The following MAF variants were observed in gnomAD, a reference collection of about 807,000 sequenced individuals.
MAF encodes MAF bZIP transcription factor, also known as transcription factor Maf.
MAF carries 10 observed loss-of-function variants against 22.0 expected under a neutral mutation model. The ratio of observed to expected loss-of-function variants is 0.45; its 90% CI spans 0.28 to 0.77. The LOEUF (loss-of-function observed/expected upper bound fraction) is 0.77, where lower values mean the gene tolerates loss of function less well. Ranked by LOEUF, MAF falls within the 30% of genes least tolerant of loss-of-function variation. The pLI, the probability that MAF is intolerant of heterozygous loss-of-function variation, is 0.12. For missense variants in MAF, 544 were observed against 548.4 expected, an observed-to-expected ratio of 0.99 and a Z score of 0.08; for synonymous variants, 337 against 255.8, an observed-to-expected ratio of 1.32 and a Z score of -3.03.
At chr16:79,438,792 T>C in the MAF span, among the ~76,000 whole-genome samples, 1 of 151,886 alleles carries the variant, frequency 6.6e-6, no homozygotes, top group African/African-American at 2.4e-5. Context: ...TAGGAAGAAA[T>C]AAAAGGAAAG....
the MAF span, among the ~76,000 whole-genome samples, chr16:79,365,873 A>C: frequency 1.3e-5 from 2 of 152,226 alleles, no homozygotes; most frequent in African/African-American, 4.8e-5. Context: ...GTGTTTCCGG[A>C]AAACATGTGG....
At chr16:79,429,085 G>A in the MAF span, among the ~76,000 whole-genome samples, 2 of 152,170 alleles carry the variant, frequency 1.3e-5, no homozygotes, top group South Asian at 4.2e-4. Context: ...ATGCCGATTG[G>A]AGGTAATTAC....
At chr16:79,543,725 C>T in the MAF span, among the ~76,000 whole-genome samples, 6 of 141,308 alleles carry the variant, frequency 4.2e-5, no homozygotes, top group East Asian at 2.1e-4. Context: ...CTCGCTCTGT[C>T]GCCCAGGCTG....
the MAF span, among the ~76,000 whole-genome samples, chr16:79,479,233 C>A: frequency 6.6e-5 from 10 of 152,224 alleles, no homozygotes; most frequent in Non-Finnish European, 1.3e-4. Context: ...TGCACAACCC[C>A]AGCCTACCTG....
the MAF span, among the ~76,000 whole-genome samples, chr16:79,388,569 C>T: frequency 6.6e-6 from 1 of 152,200 alleles, no homozygotes; most frequent in Non-Finnish European, 1.5e-5. Flanking sequence ...TTATCAAAAG[C>T]AGTGCTCTCT....
At chr16:79,259,342 C>T in the MAF span, among the ~76,000 whole-genome samples, 1 of 152,218 alleles carries the variant, frequency 6.6e-6, no homozygotes, top group South Asian at 2.1e-4. Context: ...AGCCACCACT[C>T]TGCAGGATGG....
chr16:79,410,069 G>A, the MAF span, among the ~76,000 whole-genome samples: 1 of 152,196 alleles, frequency 6.6e-6, no homozygotes, highest in East Asian at 1.9e-4. Context: ...AACCACAGCA[G>A]AGTCTTGGCG....
At chr16:79,587,998 A>G (rs1390477292) in intron 1 of MAF, among the ~76,000 whole-genome samples, 1 of 152,110 alleles carries the variant, frequency 6.6e-6, no homozygotes, top group Non-Finnish European at 1.5e-5. Flanking sequence ...GAGGTCTCAC[A>G]TCGGGGTAAG....
chr16:79,558,365 T>A, the MAF span, among the ~76,000 whole-genome samples: 1 of 152,356 alleles, frequency 6.6e-6, no homozygotes, highest in South Asian at 2.1e-4. Flanking sequence ...ATCAACCCAC[T>A]GTCAAAGAAA....
chr16:79,455,931 T>C, the MAF span, among the ~76,000 whole-genome samples: 274 of 152,146 alleles, frequency 1.8e-3, 10 homozygotes, highest in South Asian at 0.051. Context: ...GACGGGAGAA[T>C]TGCTTGAACC....
the MAF span, among the ~76,000 whole-genome samples, chr16:79,565,450 T>C: frequency 4.6e-5 from 7 of 152,114 alleles, no homozygotes; most frequent in Non-Finnish European, 1.0e-4. Flanking sequence ...ATGGTTTCGC[T>C]GTGTCCCCAC....
the MAF span, among the ~76,000 whole-genome samples, chr16:79,452,372 A>G: frequency 1.3e-5 from 2 of 152,246 alleles, no homozygotes; most frequent in African/African-American, 2.4e-5. Context: ...AACTACATAT[A>G]TGCAATTTAA....
chr16:79,387,355 C>T, the MAF span, among the ~76,000 whole-genome samples: 27 of 152,040 alleles, frequency 1.8e-4, no homozygotes, highest in Non-Finnish European at 3.2e-4. Flanking sequence ...CTGTGTTTTT[C>T]ATATCTATTT....
At chr16:79,572,176 C>T in the MAF span, among the ~76,000 whole-genome samples, 1 of 152,132 alleles carries the variant, frequency 6.6e-6, no homozygotes, top group Non-Finnish European at 1.5e-5. Flanking sequence ...AGTGAAATTT[C>T]CACAACCAAC....
At chr16:79,228,815 G>A in the MAF span, among the ~76,000 whole-genome samples, 1 of 151,906 alleles carries the variant, frequency 6.6e-6, no homozygotes, top group Non-Finnish European at 1.5e-5. Context: ...GTCCGCTCAG[G>A]GTTTCCACCA....
the MAF span, among the ~76,000 whole-genome samples, chr16:79,319,363 G>A: frequency 6.6e-6 from 1 of 152,202 alleles, no homozygotes; most frequent in Non-Finnish European, 1.5e-5. Flanking sequence ...GAAGTTCTAT[G>A]GATCAATGCG....
chr16:79,464,164 C>G, the MAF span, among the ~76,000 whole-genome samples: 1 of 152,294 alleles, frequency 6.6e-6, no homozygotes, highest in South Asian at 2.1e-4. Context: ...ATCAATCATG[C>G]ATTGTGCAGA....
the MAF span, among the ~76,000 whole-genome samples, chr16:79,564,525 A>C: frequency 6.6e-6 from 1 of 152,168 alleles, no homozygotes; most frequent in South Asian, 2.1e-4. Context: ...GAAGACTTCC[A>C]CTGGGCACAT....
the MAF span, among the ~76,000 whole-genome samples, chr16:79,335,475 G>C: frequency 6.6e-6 from 1 of 152,116 alleles, no homozygotes; most frequent in Non-Finnish European, 1.5e-5. Flanking sequence ...GAAAGACCAG[G>C]GGGGACAGGA....
Sources: allele counts gnomAD v4.1 joint callset (sites outside exome capture counted in the v4.1 genomes callset), GRCh38; gene constraint gnomAD v4.1.1; transcripts MANE v1.5; gene names NCBI Gene and HGNC (gene_info 2026-07-23, HGNC 2026-07-21).